Variants in AKAP6 observed in about 807,000 individuals in gnomAD.
The protein encoded by AKAP6 is A-kinase anchor protein 6.
A neutral mutation model predicts 188.5 loss-of-function variants in AKAP6; 58 were observed. The ratio of observed to expected loss-of-function variants is 0.31; its 90% CI spans 0.25 to 0.38. The LOEUF (loss-of-function observed/expected upper bound fraction) is 0.38, where lower values mean the gene tolerates loss of function less well. AKAP6 is among the 10% of genes least tolerant of loss of function. The probability of loss-of-function intolerance (pLI) is 1.00; values close to 1 mark genes in which losing one functional copy is unlikely to be tolerated. For missense variants in AKAP6, 2,710 were observed against 2,740.0 expected, an observed-to-expected ratio of 0.99 and a Z score of 0.24; for synonymous variants, 989 against 998.6, an observed-to-expected ratio of 0.99 and a Z score of 0.18.
chr14:32,829,581 A>T (rs1027397983), intron 13 of AKAP6, among the ~76,000 whole-genome samples: 33 of 151,426 alleles, frequency 2.2e-4, no homozygotes, highest in Non-Finnish European at 5.9e-5. Context: ...GTCAAACTTG[A>T]TGATTTTTCT....
chr14:32,769,746 G>A (rs1368475146), intron 11 of AKAP6, among the ~76,000 whole-genome samples: 1 of 151,814 alleles, frequency 6.6e-6, no homozygotes. Flanking sequence ...TGTTTTTAAA[G>A]TATTATTTTC....
intron 2 of AKAP6, among the ~76,000 whole-genome samples, chr14:32,483,587 C>T (rs754351026): frequency 1.1e-4 from 17 of 152,152 alleles, no homozygotes; most frequent in Non-Finnish European, 2.2e-4. Context: ...CCGGTTCAAG[C>T]AATTCTCCTG....
intron 11 of AKAP6, among the ~76,000 whole-genome samples, chr14:32,764,695 TACACACAC>T (rs34290753): frequency 3.4e-5 from 5 of 148,358 alleles, no homozygotes; most frequent in African/African-American, 9.9e-5. Flanking sequence ...ATGACAATAA[TACACACAC>T]ACACACACAC....
intron 2 of AKAP6, among the ~76,000 whole-genome samples, chr14:32,446,051 A>G (rs149980546): frequency 1.3e-5 from 2 of 152,278 alleles, no homozygotes; most frequent in East Asian, 3.9e-4. Flanking sequence ...TTTTATATAT[A>G]ATGCATCAAA....
intron 7 of AKAP6, among the ~76,000 whole-genome samples, chr14:32,607,199 G>A (rs1435160680): frequency 6.6e-6 from 1 of 152,188 alleles, no homozygotes; most frequent in African/African-American, 2.4e-5. Context: ...CACAGCATTG[G>A]TGAGACAAAG....
At chr14:32,592,839 C>G (rs1885542301) in intron 5 of AKAP6, among the ~76,000 whole-genome samples, 1 of 152,132 alleles carries the variant, frequency 6.6e-6, no homozygotes. Flanking sequence ...ACTGAGTACA[C>G]AGAGGTTGGC....
intron 1 of AKAP6, among the ~76,000 whole-genome samples, chr14:32,352,103 T>TTTGTG (rs71399640): frequency 8.3e-5 from 10 of 120,356 alleles, no homozygotes; most frequent in African/African-American, 3.5e-4. Context: ...GTGTGTGTGT[T>TTTGTG]TGTGTGTGTG....
intron 7 of AKAP6, among the ~76,000 whole-genome samples, chr14:32,676,036 A>T (rs1251445315): frequency 6.6e-6 from 1 of 152,154 alleles, no homozygotes; most frequent in Non-Finnish European, 1.5e-5. Context: ...CAAGCTTGTG[A>T]CTTAGGATGG....
chr14:32,491,800 A>G (rs920829780), intron 2 of AKAP6, among the ~76,000 whole-genome samples: 1 of 152,222 alleles, frequency 6.6e-6, no homozygotes, highest in Non-Finnish European at 1.5e-5. Context: ...TATGTAGAAT[A>G]ATCTCAGACA....
At chr14:32,371,696 AAAAGGTGGGATTAACTGTTGTTTTTT>A (rs1433020875) in intron 1 of AKAP6, among the ~76,000 whole-genome samples, 2 of 152,198 alleles carry the variant, frequency 1.3e-5, no homozygotes, top group African/African-American at 4.8e-5. Flanking sequence ...AAGCTTCATG[AAAAGGTGGGATTAACTGTTGTTTTTT>A]GAAGAATGAT....
intron 1 of AKAP6, among the ~76,000 whole-genome samples, chr14:32,359,489 T>C (rs1887588703): frequency 1.3e-5 from 2 of 151,854 alleles, no homozygotes; most frequent in Admixed American, 1.3e-4. Flanking sequence ...AATATTGACA[T>C]CAGACATAAT....
intron 2 of AKAP6, among the ~76,000 whole-genome samples, chr14:32,448,517 A>C: frequency 6.6e-6 from 1 of 152,220 alleles, no homozygotes; most frequent in East Asian, 1.9e-4. Context: ...CCTGAGGTAC[A>C]AAGAGGGTAA....
chr14:32,601,649 G>C (rs1373889493), intron 7 of AKAP6, among the ~76,000 whole-genome samples: 1 of 152,188 alleles, frequency 6.6e-6, no homozygotes, highest in Non-Finnish European at 1.5e-5. Flanking sequence ...ATTGTAACAT[G>C]GGGGAAACAT....
rs903076082 is a variant in AKAP6, at chr14:32,807,080, A to G, written c.3589-14322A>G. ...AAGAAAGGGGGGGAAATATATATAT[A>G]TATATATAAAATCCCACATCTTTGG... is the stretch of plus-strand genomic sequence containing the variant. On this transcript the variant is annotated intron_variant, in intron 12 of 13. Transcript: ENST00000280979. Among the ~76,000 whole-genome samples, 6 of 151,458 alleles carry G rather than the reference A, an allele frequency of 4.0e-5. No individual in the cohort carries two copies. In the East Asian group the frequency reaches 9.8e-4, roughly 25 times the overall value.
intron 7 of AKAP6, among the ~76,000 whole-genome samples, chr14:32,663,685 T>C (rs1202015121): frequency 6.6e-6 from 1 of 152,022 alleles, no homozygotes; most frequent in Admixed American, 6.6e-5. Flanking sequence ...CCTGAGAATC[T>C]GTGTGTGGGC....
intron 9 of AKAP6, chr14:32,726,236 G>C: frequency 1.0e-6 from 1 of 974,362 alleles, no homozygotes; most frequent in Non-Finnish European, 1.2e-6. Flanking sequence ...GAAGTGAGGG[G>C]AAAAAATAAT....
chr14:32,637,717 G>T (rs1202907529), intron 7 of AKAP6, among the ~76,000 whole-genome samples: 1 of 152,026 alleles, frequency 6.6e-6, no homozygotes, highest in African/African-American at 2.4e-5. Flanking sequence ...TTAACAATGA[G>T]ATGAGGGTGG....
Position 32,824,588 on chromosome 14 carries a change from C to T in AKAP6, c.6775C>T (p.Pro2259Ser). ...LDSEKESSGK[P>S]GESGMPEEHN... ...CAGTGAAAAGGAAAGTTCCGGAAAA[C>T]CAGGTGAATCTGGAATGCCAGAAGA... is the stretch of plus-strand genomic sequence containing the variant. Residue 2259 changes from proline to serine, a missense_variant, in exon 13 of 14, where the codon CCA becomes TCA. This residue lies in a region of AKAP6 where 2,473 missense variants were observed against 2,426.1 expected (regional missense o/e 1.02). Coordinates refer to ENST00000280979, the MANE Select transcript of AKAP6 (RefSeq NM_004274.5). 1.9e-6 allele frequency: 3 copies of T among 1,613,858 alleles called. No homozygotes were observed. The highest frequency in any genetic ancestry group is 2.5e-6 in the Non-Finnish European group (3 of 1,179,928).
At position 32,433,845 on chromosome 14, in the gene AKAP6, G is replaced by A. The variant is rs372381001; in HGVS notation, c.324+28G>A. On this transcript the variant is annotated intron_variant, in intron 2 of 13. Transcript: ENST00000280979. ...AAGGCAAGGTCTGTGATCCTCTCAG[G>A]ATAGAAGTTTTCAAAAGGCTGTGGC... 2.3e-5 allele frequency: 36 copies of A among 1,585,876 alleles called. No homozygotes were observed. The African/African-American group carries it at 3.5e-4, about 15-fold the overall frequency.
Sources: allele counts gnomAD v4.1 joint callset (sites outside exome capture counted in the v4.1 genomes callset), GRCh38; gene constraint gnomAD v4.1.1; regional missense constraint gnomAD v4.1.1; transcripts MANE v1.5; gene names NCBI Gene and HGNC (gene_info 2026-07-23, HGNC 2026-07-21).